The following TMEM52B variants were observed in gnomAD, a reference collection of about 807,000 sequenced individuals.
TMEM52B encodes the protein transmembrane protein 52B, also known as chromosome 12 open reading frame 59.
A neutral mutation model predicts 16.1 loss-of-function variants in TMEM52B; 11 were observed. The observed-to-expected ratio is 0.68, with a 90% CI of 0.43 to 1.13. The LOEUF is 1.13. TMEM52B is among the 50% of genes most tolerant of loss of function. The pLI is 0.00. For synonymous variants in TMEM52B, 101 were observed against 93.8 expected (o/e 1.08, Z -0.45); for missense variants, 243 against 230.4 (o/e 1.05, Z -0.35).
upstream of TMEM52B, among the ~76,000 whole-genome samples, chr12:10,174,706 C>A (rs1229419408): frequency 6.6e-6 from 1 of 152,154 alleles, no homozygotes; most frequent in Non-Finnish European, 1.5e-5. Context: ...GCGTATTGAT[C>A]CTCTTTCTCT....
chr12:10,189,845 G>A lies in TMEM52B; in HGVS notation c.308-51G>A, dbSNP rs549583646. 7 of 1,601,708 alleles carry A rather than the reference G, an allele frequency of 4.4e-6. No individual in the cohort carries two copies. In the African/African-American group the frequency reaches 9.4e-5, roughly 21 times the overall value. On this transcript the variant is annotated intron_variant, in intron 4 of 4. Coordinates refer to ENST00000543484, the MANE Select transcript of TMEM52B (RefSeq NM_001384896.1). ...TGTGAAGTAAGTCTCTGCTGTCTGA[G>A]GGTGTCCTGTTTCCCTTAGTTTCTT...
intron 1 of TMEM52B, among the ~76,000 whole-genome samples, chr12:10,174,009 C>T (rs1948747205): frequency 6.6e-6 from 1 of 152,070 alleles, no homozygotes; most frequent in African/African-American, 2.4e-5. Flanking sequence ...AACTCTATAC[C>T]CACCAAGCAA....
intron 4 of TMEM52B, among the ~76,000 whole-genome samples, chr12:10,187,199 G>A (rs1055114441): frequency 7.0e-6 from 1 of 143,878 alleles, no homozygotes; most frequent in South Asian, 2.2e-4. Context: ...CGCCTTCCGG[G>A]TTCAAGTAGT....
At chr12:10,189,644 AG>A (rs11325112) in intron 4 of TMEM52B, among the ~76,000 whole-genome samples, 18,972 of 134,486 alleles carry the variant, frequency 0.14, 1,515 homozygotes, top group South Asian at 0.21. Flanking sequence ...AAAAAAAAAG[AG>A]AGAGAGAGAG....
Position 10,186,459 on chromosome 12 carries a change from C to T in TMEM52B, c.177C>T (p.Gly59=), listed in dbSNP as rs1948880236. 1.2e-6 allele frequency: 2 copies of T among 1,612,348 alleles called. No individual in the cohort carries two copies. Among genetic ancestry groups the T allele is most frequent in the Admixed American group, 1.7e-5 (1 of 59,966 alleles). The change falls in exon 4 of 5, where the codon GGC becomes GGT. Residue 59 remains glycine, a synonymous_variant. Transcript: ENST00000543484. ...TTGGCGCGCTGCTTCTCCTGTGTGGCCTGACGTCCCTGTGCTTCCGCTGCT... is the reference window on the plus strand; with the variant it reads ...TTGGCGCGCTGCTTCTCCTGTGTGGTCTGACGTCCCTGTGCTTCCGCTGCT... ...VVIGALLLLC[G]LTSLCFRCCC...
chr12:10,188,266 C>A (rs1948904405), intron 4 of TMEM52B, among the ~76,000 whole-genome samples: 1 of 151,910 alleles, frequency 6.6e-6, no homozygotes, highest in South Asian at 2.1e-4. Context: ...TTGAGACCAC[C>A]CTGGGCAACA....
In TMEM52B at chr12:10,182,524, G is replaced by A. The variant is rs181802906; in HGVS notation, c.55-26G>A. On this transcript the variant is annotated intron_variant, in intron 1 of 4. Transcript: ENST00000543484. Reference sequence around the variant, plus strand: ...ACACAGTGGCCAAAACAATTTCCCTGTATAAGACAATTTCTCTTTCTACAG... The same window carrying A: ...ACACAGTGGCCAAAACAATTTCCCTATATAAGACAATTTCTCTTTCTACAG... 10 of 1,532,968 alleles carry A rather than the reference G, an allele frequency of 6.5e-6. No individual in the cohort carries two copies. In the East Asian group the frequency reaches 2.2e-4, roughly 34 times the overall value. 95.0% of individuals were successfully genotyped at this position (1,532,968 alleles called of 1,614,324 possible). A position where few individuals can be genotyped will look rare whatever the true frequency, so the allele number is the denominator to read the frequency against.
intron 1 of TMEM52B, among the ~76,000 whole-genome samples, chr12:10,180,428 C>T (rs943700450): frequency 1.3e-5 from 2 of 152,100 alleles, no homozygotes; most frequent in African/African-American, 2.4e-5. Flanking sequence ...TGAAAAGTAG[C>T]ATTTTCTCTG....
rs752707844 is a variant in TMEM52B, at chr12:10,186,542, C to A, written c.260C>A (p.Thr87Asn). The change falls in exon 4 of 5, where the codon ACC becomes AAC. Residue 87 changes from threonine (T) to asparagine (N), a missense_variant. Thr to Asn is a moderately conservative substitution (Grantham distance 65). Transcript: ENST00000543484. ...GGGGGCCCACCACCCTGTGAAGTGACCGTCATTGCTTTCGATCACGACAGC... is the reference window on the plus strand; with the variant it reads ...GGGGGCCCACCACCCTGTGAAGTGAACGTCATTGCTTTCGATCACGACAGC... ...EDGGPPPCEV[T>N]VIAFDHDSTL... 1.2e-6 allele frequency: 2 copies of A among 1,608,452 alleles called. No individual in the cohort carries two copies. The highest frequency in any genetic ancestry group is 4.5e-5 in the East Asian group (2 of 44,828).
Position 10,189,877 on chromosome 12 carries a change from G to T in TMEM52B, c.308-19G>T. The T allele has an allele frequency of 6.2e-7, 1 of 1,612,496 alleles. No homozygotes were observed. Among genetic ancestry groups the T allele is most frequent in the Non-Finnish European group, 8.5e-7 (1 of 1,179,672 alleles). On this transcript the variant is annotated intron_variant, in intron 4 of 4. Coordinates refer to ENST00000543484, the MANE Select transcript of TMEM52B (RefSeq NM_001384896.1). ...CTGTTTCCCTTAGTTTCTTAGCTCT[G>T]TTCCTTCTTTCTTCACAGCTCTGCA...
chr12:10,187,239 A>G (rs1948891679), intron 4 of TMEM52B, among the ~76,000 whole-genome samples: 1 of 148,946 alleles, frequency 6.7e-6, no homozygotes, highest in South Asian at 2.1e-4. Flanking sequence ...AGTAGCTGAG[A>G]TTACAGGCAC....
chr12:10,173,868 A>G lies in TMEM52B; in HGVS notation c.-95+3017A>G, dbSNP rs955041693. On this transcript the variant is annotated intron_variant, in intron 1 of 5. Transcript: ENST00000381923. ...CTCAGTTATTTTGGATGCCATGAAT[A>G]TTATAGAACATAAAGTGTTTACCAT... is the stretch of plus-strand genomic sequence containing the variant. 5.9e-5 allele frequency among the ~76,000 whole-genome samples: 9 copies of G among 151,880 alleles called. No individual in the cohort carries two copies. The East Asian group carries it at 1.7e-3, about 29-fold the overall frequency.
In TMEM52B at chr12:10,189,430, C is replaced by A. The variant is rs1466447952; in HGVS notation, c.308-466C>A. ...CCTGAGGTCAGGAGTTCAAGACCAG[C>A]CTGGCCAACATAGTGAAACCCTGTC... On this transcript the variant is annotated intron_variant, in intron 4 of 4. Coordinates refer to ENST00000543484, the MANE Select transcript of TMEM52B (RefSeq NM_001384896.1). Among the ~76,000 whole-genome samples, 4 of 151,514 alleles carry A rather than the reference C, an allele frequency of 2.6e-5. No individual in the cohort carries two copies. The East Asian group carries it at 5.8e-4, about 22-fold the overall frequency.
upstream of TMEM52B, among the ~76,000 whole-genome samples, chr12:10,177,767 AAATAATAATAAT>A (rs199747831): frequency 0.064 from 7,570 of 118,426 alleles, 384 homozygotes; most frequent in South Asian, 0.18. Flanking sequence ...ACTCTGTCTC[AAATAATAATAAT>A]AATAATAATA....
intron 2 of TMEM52B, among the ~76,000 whole-genome samples, chr12:10,183,506 A>G (rs1948846484): frequency 6.6e-6 from 1 of 152,198 alleles, no homozygotes; most frequent in South Asian, 2.1e-4. Context: ...GTGACCAGAG[A>G]ATAAAAATAG....
intron 2 of TMEM52B, among the ~76,000 whole-genome samples, chr12:10,184,573 TC>T (rs1948859045): frequency 6.6e-6 from 1 of 152,084 alleles, no homozygotes; most frequent in African/African-American, 2.4e-5. Context: ...TGTGCGGAAA[TC>T]CTCACCCACC....
At chr12:10,188,298 A>G (rs1948904790) in intron 4 of TMEM52B, among the ~76,000 whole-genome samples, 1 of 151,654 alleles carries the variant, frequency 6.6e-6, no homozygotes, top group African/African-American at 2.4e-5. Context: ...CGTCCCTATT[A>G]ACGTACAAAA....
At chr12:10,184,010 G>A (rs1407913797) in intron 2 of TMEM52B, among the ~76,000 whole-genome samples, 1 of 152,190 alleles carries the variant, frequency 6.6e-6, no homozygotes, top group African/African-American at 2.4e-5. Flanking sequence ...AATGCAGAAT[G>A]CTTAAAGCCT....
At chr12:10,179,715 G>A in intron 1 of TMEM52B, 87 bp downstream of exon 1, 1 of 1,522,816 alleles carries the variant, frequency 6.6e-7, no homozygotes, top group Non-Finnish European at 9.1e-7. Context: ...TGAACTGCGG[G>A]GTGGGGAGAC....
Sources: allele counts gnomAD v4.1 joint callset (sites outside exome capture counted in the v4.1 genomes callset), GRCh38; gene constraint gnomAD v4.1.1; transcripts MANE v1.5; gene names NCBI Gene and HGNC (gene_info 2026-07-23, HGNC 2026-07-21).